The following PSD2 variants were observed in gnomAD, a reference collection of about 807,000 sequenced individuals.
PSD2 encodes the protein pleckstrin and Sec7 domain containing 2.
PSD2 carries 38 observed loss-of-function variants against 69.8 expected under a neutral mutation model. The ratio of observed to expected loss-of-function variants is 0.54; its 90% CI spans 0.42 to 0.71. The LOEUF (loss-of-function observed/expected upper bound fraction) is 0.71. PSD2 is among the 30% of genes least tolerant of loss of function. The pLI, the probability that PSD2 is intolerant of heterozygous loss-of-function variation, is 0.00. For missense variants in PSD2, 943 were observed against 1,014.5 expected, an observed-to-expected ratio of 0.93 and a Z score of 0.96; for synonymous variants, 412 against 423.0, an observed-to-expected ratio of 0.97 and a Z score of 0.32.
intron 7 of PSD2, among the ~76,000 whole-genome samples, chr5:139,830,282 G>A (rs1214710579): frequency 2.7e-5 from 4 of 149,782 alleles, no homozygotes; most frequent in Non-Finnish European, 4.4e-5. Context: ...ACCCTTAGTA[G>A]ATACTTGATT....
At chr5:139,771,387 C>CT in the PSD2 span, among the ~76,000 whole-genome samples, 11 of 151,026 alleles carry the variant, frequency 7.3e-5, no homozygotes, top group Admixed American at 2.0e-4. Flanking sequence ...CTTTTCTTTT[C>CT]TTTTTTTTTG....
chr5:139,789,394 A>C, the PSD2 span, among the ~76,000 whole-genome samples: 1 of 152,094 alleles, frequency 6.6e-6, no homozygotes, highest in African/African-American at 2.4e-5. Context: ...AGCCCTACCC[A>C]CCAGCCAGCT....
In PSD2 at chr5:139,842,480, A is replaced by G; in HGVS notation, c.*6A>G. 6.2e-7 allele frequency: 1 copy of G among 1,611,108 alleles called. No homozygotes were observed. The highest frequency in any genetic ancestry group is 1.8e-4 in the Middle Eastern group (1 of 5,656). ...CCACTGGGCCTGATACTTAGCTGAC[A>G]TGGATTTGCAGACCCCAGGGTGGGC... On this transcript the variant is annotated 3_prime_UTR_variant, in exon 15 of 15. Transcript: ENST00000274710.
chr5:139,838,902 C>T lies in PSD2; in HGVS notation c.1968+130C>T, dbSNP rs1457818705. 9 of 964,702 alleles carry T rather than the reference C, an allele frequency of 9.3e-6. No individual in the cohort carries two copies. The African/African-American group carries it at 1.1e-4, about 12-fold the overall frequency. The allele number at this position is 964,702 out of a possible 1,614,324, so 59.8% of individuals were successfully genotyped here. A position where few individuals can be genotyped will look rare whatever the true frequency, so the allele number is the denominator to read the frequency against. On this transcript the variant is annotated intron_variant, in intron 13 of 14. Coordinates refer to ENST00000274710, the MANE Select transcript of PSD2 (RefSeq NM_032289.4). ...TGGGCTGAAGGACACCAGAGAAGGA[C>T]ACCTGTTCCCTCCATCCCAAGCACC...
At position 139,837,112 on chromosome 5, in the gene PSD2, G is replaced by T. The variant is rs1364051310; in HGVS notation, c.1595-56G>T. 1 of 1,605,896 alleles carries T rather than the reference G, an allele frequency of 6.2e-7. No individual in the cohort carries two copies. Among genetic ancestry groups the T allele is most frequent in the Non-Finnish European group, 8.5e-7 (1 of 1,174,072 alleles). On this transcript the variant is annotated intron_variant, in intron 10 of 14. Coordinates refer to ENST00000274710, the MANE Select transcript of PSD2 (RefSeq NM_032289.4). The surrounding 1 kb of genome is among the most constrained non-coding windows in gnomAD (Gnocchi z 5.0). ...AGGTGGACACGTAGTGGGAGGTGGG[G>T]TTGGAGAGACTGCAGAGGGTGGCTG...
chr5:139,826,327 C>T (rs1760419741), intron 7 of PSD2, among the ~76,000 whole-genome samples: 1 of 152,228 alleles, frequency 6.6e-6, no homozygotes, highest in South Asian at 2.1e-4. Flanking sequence ...ACAGCCCAAC[C>T]TTGTGCATGT....
intron 7 of PSD2, among the ~76,000 whole-genome samples, chr5:139,830,561 C>CTTTCTTTCTTT (rs1760553735): frequency 6.2e-5 from 8 of 129,602 alleles, no homozygotes; most frequent in African/African-American, 2.5e-4. Flanking sequence ...TTCCTTCCTT[C>CTTTCTTTCTTT]CTTCCTTTCT....
the PSD2 span, among the ~76,000 whole-genome samples, chr5:139,755,635 CTG>C: frequency 0.43 from 63,071 of 146,104 alleles, 15,179 homozygotes; most frequent in East Asian, 0.69. Flanking sequence ...TGCGGCCCTG[CTG>C]TGTGTGTGTG....
chr5:139,827,305 C>A (rs1333135412), intron 7 of PSD2, among the ~76,000 whole-genome samples: 1 of 152,220 alleles, frequency 6.6e-6, no homozygotes, highest in East Asian at 1.9e-4. Context: ...CTGTGGCAGT[C>A]AGGAGTCTCC....
chr5:139,787,746 A>T, the PSD2 span, among the ~76,000 whole-genome samples: 1 of 152,190 alleles, frequency 6.6e-6, no homozygotes, highest in African/African-American at 2.4e-5. Context: ...TTCCCGCTGC[A>T]CGGGGACCCG....
chr5:139,840,304 G>A, intron 14 of PSD2, 134 bp downstream of exon 14: 1 of 999,940 alleles, frequency 1.0e-6, no homozygotes, highest in Non-Finnish European at 1.5e-6. Flanking sequence ...GAGGGAACAG[G>A]GTCCCCTGAC....
intron 14 of PSD2, among the ~76,000 whole-genome samples, chr5:139,840,980 A>G (rs1760857390): frequency 6.6e-6 from 1 of 152,164 alleles, no homozygotes. Context: ...TTGTTGTGTA[A>G]CCAATCTCCA....
chr5:139,820,756 G>A (rs964468188), intron 5 of PSD2, among the ~76,000 whole-genome samples: 8 of 152,158 alleles, frequency 5.3e-5, no homozygotes, highest in Non-Finnish European at 7.3e-5. Flanking sequence ...GCAGAGGAAG[G>A]ACGGGTGTCC....
chr5:139,749,469 T>C, the PSD2 span, among the ~76,000 whole-genome samples: 38 of 152,252 alleles, frequency 2.5e-4, no homozygotes, highest in Non-Finnish European at 3.7e-4. Flanking sequence ...AGCTAGGATG[T>C]GCTGGCCCTG....
chr5:139,809,815 A>AG lies in PSD2; in HGVS notation c.371+5dup, dbSNP rs774300254. 95 of 1,613,598 alleles carry AG rather than the reference A, an allele frequency of 5.9e-5. No homozygotes were observed. The African/African-American group carries it at 1.2e-3, about 20-fold the overall frequency. On this transcript the variant is annotated splice_donor_region_variant and intron_variant, in intron 2 of 14. Transcript: ENST00000274710. ...ATGCTGAGGACCCTCAGCTGGGGTG[A>AG]GTGGATGTCTTGGGATGGGAGCTCA...
At chr5:139,821,699 C>G (rs1014995392) in intron 5 of PSD2, among the ~76,000 whole-genome samples, 194 bp from the exon 6 acceptor site, 1 of 152,208 alleles carries the variant, frequency 6.6e-6, no homozygotes, top group Non-Finnish European at 1.5e-5. Flanking sequence ...CTTACCAGGT[C>G]CCCTGGCCTC....
intron 7 of PSD2, among the ~76,000 whole-genome samples, chr5:139,832,884 T>G (rs1015744714): frequency 2.6e-5 from 4 of 152,194 alleles, no homozygotes; most frequent in African/African-American, 9.7e-5. Context: ...TGCTACTCAT[T>G]GGTTAAAACA....
At chr5:139,818,027 G>A (rs952519668) in intron 5 of PSD2, among the ~76,000 whole-genome samples, 3 of 152,154 alleles carry the variant, frequency 2.0e-5, no homozygotes. Flanking sequence ...TTTGGACCTA[G>A]GGAGTAGACC....
intron 6 of PSD2, among the ~76,000 whole-genome samples, chr5:139,822,371 T>A (rs1277752452): frequency 6.6e-6 from 1 of 152,158 alleles, no homozygotes; most frequent in Non-Finnish European, 1.5e-5. Context: ...TGGGCCTAAG[T>A]CCCAGGAACT....
Sources: gnomAD v4.1 joint callset for allele counts (sites outside exome capture counted in the v4.1 genomes callset) on GRCh38, gnomAD v4.1.1 for gene constraint, Gnocchi (gnomAD v3.1) non-coding constraint, MANE v1.5 for transcripts, NCBI Gene and HGNC (gene_info 2026-07-23, HGNC 2026-07-21) for gene names.